PTPRK: variants seen among roughly 807,000 people sequenced by gnomAD.
PTPRK encodes receptor-type tyrosine-protein phosphatase kappa.
PTPRK carries 75 observed loss-of-function variants against 178.0 expected under a neutral mutation model. The ratio of observed to expected loss-of-function variants is 0.42; its 90% confidence interval spans 0.35 to 0.51. The LOEUF is 0.51. Ranked by LOEUF, PTPRK falls within the 20% of genes least tolerant of loss-of-function variation. The pLI, the probability that PTPRK is intolerant of heterozygous loss-of-function variation, is 0.02. For synonymous variants in PTPRK, 637 were observed against 620.6 expected, an observed-to-expected ratio of 1.03 and a Z score of -0.39; for missense variants, 1,441 against 1,797.8, an observed-to-expected ratio of 0.80 and a Z score of 3.59.
chr6:128,168,342 A>G (rs961159660), intron 7 of PTPRK, among the ~76,000 whole-genome samples: 1 of 152,112 alleles, frequency 6.6e-6, no homozygotes, highest in Non-Finnish European at 1.5e-5. Flanking sequence ...TTGAACAACC[A>G]TTATAAAAAC....
intron 3 of PTPRK, among the ~76,000 whole-genome samples, chr6:128,299,910 G>T (rs1825266562): frequency 6.6e-6 from 1 of 152,076 alleles, no homozygotes; most frequent in South Asian, 2.1e-4. Flanking sequence ...CACAGCAAAA[G>T]AAACTACCAT....
intron 13 of PTPRK, among the ~76,000 whole-genome samples, chr6:128,025,033 C>T (rs1427743530): frequency 6.6e-6 from 1 of 152,154 alleles, no homozygotes; most frequent in African/African-American, 2.4e-5. Flanking sequence ...TGCAGTACAA[C>T]AAGTTTGTCT....
rs766293736 is a variant in PTPRK, at chr6:128,078,859, T to C, written c.1837A>G (p.Ile613Val). 1 of 1,612,472 alleles carries C rather than the reference T, an allele frequency of 6.2e-7. No homozygotes were observed. The highest frequency in any genetic ancestry group is 8.5e-7 in the Non-Finnish European group (1 of 1,178,880). Residue 613 changes from isoleucine (I) to valine (V), a missense_variant, in exon 11 of 30, where the codon ATA becomes GTA. Physicochemically the swap from Ile to Val is conservative, Grantham distance 29. Around this residue, in one of 4 missense-constraint regions of PTPRK, gnomAD observed 945 missense variants for 1,080.6 expected, o/e 0.87. Coordinates refer to ENST00000368226, the MANE Select transcript of PTPRK (RefSeq NM_002844.4). ...TGTGCTGGTCTCAACAATACAGTTA[T>C]TGTGGTGGCAGTTTCATTGAGAGAG... ...DASLNETATT[I>V]TVLLRPAQAK...
At chr6:128,428,056 G>T (rs1844381893) in intron 1 of PTPRK, among the ~76,000 whole-genome samples, 1 of 152,048 alleles carries the variant, frequency 6.6e-6, no homozygotes, top group African/African-American at 2.4e-5. Context: ...TCACGCCACT[G>T]CACTCCAGCC....
chr6:127,982,725 G>C, intron 24 of PTPRK, 106 bp downstream of exon 24: 1 of 966,342 alleles, frequency 1.0e-6, no homozygotes, highest in Non-Finnish European at 1.5e-6. Context: ...TTTAAAACAG[G>C]ATCAAAGGTT....
chr6:127,996,240 AC>A (rs1315014866), intron 17 of PTPRK, among the ~76,000 whole-genome samples: 2 of 152,076 alleles, frequency 1.3e-5, no homozygotes, highest in Non-Finnish European at 2.9e-5. Context: ...AAAGAATAAC[AC>A]CCCAATCTTG....
At chr6:128,191,393 G>A (rs1315278822) in intron 6 of PTPRK, among the ~76,000 whole-genome samples, 1 of 152,078 alleles carries the variant, frequency 6.6e-6, no homozygotes, top group Non-Finnish European at 1.5e-5. Context: ...GTTACCAGGA[G>A]CACCGGGGCA....
chr6:128,341,261 TTAAGTA>T (rs1309389094), intron 2 of PTPRK, among the ~76,000 whole-genome samples: 16 of 152,304 alleles, frequency 1.1e-4, no homozygotes, highest in South Asian at 2.1e-4. Context: ...AATAATTATC[TTAAGTA>T]TATGTATATT....
chr6:128,031,947 G>A (rs990513562), intron 13 of PTPRK, among the ~76,000 whole-genome samples: 1 of 152,056 alleles, frequency 6.6e-6, no homozygotes, highest in Non-Finnish European at 1.5e-5. Flanking sequence ...AGGGTCCTCC[G>A]GCTGTGATAA....
intron 1 of PTPRK, among the ~76,000 whole-genome samples, chr6:128,494,849 C>T (rs188238757): frequency 1.5e-3 from 235 of 152,248 alleles, no homozygotes; most frequent in Admixed American, 4.3e-3. Context: ...ACTGTCATAA[C>T]GCCCTGAAAG....
chr6:128,301,856 G>A (rs1293974026), intron 3 of PTPRK, among the ~76,000 whole-genome samples: 2 of 152,064 alleles, frequency 1.3e-5, no homozygotes, highest in Admixed American at 1.3e-4. Flanking sequence ...TTCCTTTTAG[G>A]ATGAGGATAT....
At chr6:127,975,605 T>C (rs1470194985) in intron 27 of PTPRK, among the ~76,000 whole-genome samples, 1 of 152,212 alleles carries the variant, frequency 6.6e-6, no homozygotes, top group Admixed American at 6.5e-5. Flanking sequence ...GAGCTTAATT[T>C]CATGAAAGTT....
chr6:128,116,214 T>C (rs1791504326), intron 7 of PTPRK, among the ~76,000 whole-genome samples: 1 of 152,158 alleles, frequency 6.6e-6, no homozygotes, highest in African/African-American at 2.4e-5. Flanking sequence ...CACAGTATTA[T>C]CTAAATTTAG....
At chr6:128,062,717 C>G (rs1781068494) in intron 13 of PTPRK, 1 of 157,650 alleles carries the variant, frequency 6.3e-6, no homozygotes, top group South Asian at 2.1e-4. Context: ...GGGTCTCACT[C>G]TGTCACCCAG....
At chr6:128,104,018 G>A (rs866030310) in intron 7 of PTPRK, among the ~76,000 whole-genome samples, 1 of 152,126 alleles carries the variant, frequency 6.6e-6, no homozygotes, top group Non-Finnish European at 1.5e-5. Context: ...GTCCCAAGCA[G>A]GGCCTTTGTA....
At chr6:128,471,837 T>G (rs1850708951) in intron 1 of PTPRK, among the ~76,000 whole-genome samples, 1 of 152,044 alleles carries the variant, frequency 6.6e-6, no homozygotes, top group Admixed American at 6.6e-5. Context: ...AATATCGTCA[T>G]GCTGATTATG....
chr6:128,393,698 A>G (rs1257516010), intron 2 of PTPRK, among the ~76,000 whole-genome samples: 1 of 152,210 alleles, frequency 6.6e-6, no homozygotes, highest in African/African-American at 2.4e-5. Context: ...TAGGGAGGAG[A>G]GAATCCAGTA....
rs143829681 is a variant in PTPRK at position 128,239,982 on chromosome 6, T to C, written c.693+53A>G. On this transcript the variant is annotated intron_variant, in intron 5 of 29. Transcript: ENST00000368226. ...GAGACAACAAACAGTCCTGTTGCAA[T>C]GTTTTTAAAACATAAAGTATACTCT... 2.1e-4 allele frequency: 287 copies of C among 1,383,016 alleles called. 4 individuals are homozygous for C. In the African/African-American group the frequency reaches 3.5e-3, roughly 17 times the overall value. 85.7% of individuals were successfully genotyped at this position (1,383,016 alleles called of 1,614,324 possible). A position where few individuals can be genotyped will look rare whatever the true frequency, so the allele number is the denominator to read the frequency against.
chr6:128,511,261 A>G (rs1006084836), intron 1 of PTPRK, among the ~76,000 whole-genome samples: 1 of 152,140 alleles, frequency 6.6e-6, no homozygotes, highest in South Asian at 2.1e-4. Flanking sequence ...GTGGTCCACA[A>G]CAGAGAACAA....
Sources: gnomAD v4.1 joint callset for allele counts (sites outside exome capture counted in the v4.1 genomes callset) on GRCh38, gnomAD v4.1.1 for gene constraint, gnomAD v4.1.1 regional missense constraint, MANE v1.5 for transcripts, NCBI Gene and HGNC (gene_info 2026-07-23, HGNC 2026-07-21) for gene names.